The following NIN variants were observed in gnomAD, a reference collection of about 807,000 sequenced individuals.
NIN encodes the protein ninein.
A neutral mutation model predicts 257.6 loss-of-function variants in NIN; 137 were observed. That is an observed-to-expected ratio of 0.53 (90% CI 0.46 to 0.61). The LOEUF is 0.61. Among genes scored for constraint, NIN ranks in the 20% least tolerant of loss-of-function variants. NIN has a pLI of 0.00. For missense variants in NIN, 2,439 were observed against 2,501.2 expected, an observed-to-expected ratio of 0.98 and a Z score of 0.53; for synonymous variants, 918 against 919.8, an observed-to-expected ratio of 1.00 and a Z score of 0.04.
intron 5 of NIN, among the ~76,000 whole-genome samples, chr14:50,783,133 C>T (rs2043202502): frequency 6.6e-6 from 1 of 152,142 alleles, no homozygotes; most frequent in Non-Finnish European, 1.5e-5. Flanking sequence ...CTCTGTTCTG[C>T]AGCCTCAACC....
At chr14:50,805,178 C>T (rs147905941) in intron 4 of NIN, among the ~76,000 whole-genome samples, 187 of 152,292 alleles carry the variant, frequency 1.2e-3, no homozygotes, top group African/African-American at 3.9e-3. Flanking sequence ...CCTATGCTCA[C>T]GTTAGCTAAT....
At chr14:50,794,959 A>G (rs1230200335) in intron 4 of NIN, among the ~76,000 whole-genome samples, 1 of 152,224 alleles carries the variant, frequency 6.6e-6, no homozygotes, top group East Asian at 1.9e-4. Flanking sequence ...ACAGATTGTG[A>G]GCCAGCAGGG....
intron 2 of NIN, among the ~76,000 whole-genome samples, chr14:50,823,991 T>G (rs1008400764): frequency 1.3e-5 from 2 of 152,174 alleles, no homozygotes; most frequent in Non-Finnish European, 2.9e-5. Flanking sequence ...TCAACTAAGA[T>G]CTGCTGAGAA....
chr14:50,727,778 T>G, intron 29 of NIN: 1 of 1,417,374 alleles, frequency 7.1e-7, no homozygotes, highest in Non-Finnish European at 9.5e-7. Flanking sequence ...AGTAGTACAC[T>G]TCACCCTCAT....
chr14:50,766,143 C>T (rs1045722639), intron 14 of NIN, among the ~76,000 whole-genome samples, 164 bp downstream of exon 14: 1 of 152,094 alleles, frequency 6.6e-6, no homozygotes, highest in African/African-American at 2.4e-5. Context: ...ATTTTTGCTA[C>T]AACATTTTGT....
intron 2 of NIN, among the ~76,000 whole-genome samples, chr14:50,825,767 A>C (rs1050669030): frequency 2.0e-5 from 3 of 152,236 alleles, no homozygotes; most frequent in Admixed American, 2.0e-4. Context: ...TGTGTTAGCC[A>C]GTTGAACAGT....
At chr14:50,794,115 T>C (rs910267414) in intron 4 of NIN, among the ~76,000 whole-genome samples, 11 of 152,180 alleles carry the variant, frequency 7.2e-5, no homozygotes, top group Middle Eastern at 3.2e-3. Context: ...ATTGAAACCA[T>C]GCTGGGGTTT....
intron 21 of NIN, among the ~76,000 whole-genome samples, chr14:50,749,126 G>A (rs1222861596): frequency 3.3e-5 from 5 of 152,036 alleles, no homozygotes; most frequent in Non-Finnish European, 7.4e-5. Flanking sequence ...TAGACCAATG[G>A]AACAGAACAG....
chr14:50,750,307 T>C (rs2041733185), intron 21 of NIN, among the ~76,000 whole-genome samples: 2 of 152,190 alleles, frequency 1.3e-5, no homozygotes. Context: ...TCTGTATCTA[T>C]CTAGCTTTGT....
chr14:50,784,752 C>A (rs968840062), intron 5 of NIN, among the ~76,000 whole-genome samples: 1 of 152,202 alleles, frequency 6.6e-6, no homozygotes, highest in African/African-American at 2.4e-5. Flanking sequence ...CTTAATAAAG[C>A]TAAGGAAATC....
At chr14:50,742,725 T>G (rs1303689716) in intron 24 of NIN, among the ~76,000 whole-genome samples, 1 of 152,042 alleles carries the variant, frequency 6.6e-6, no homozygotes, top group Non-Finnish European at 1.5e-5. Flanking sequence ...GAATCCTATT[T>G]TACGCTAATA....
intron 2 of NIN, among the ~76,000 whole-genome samples, chr14:50,827,066 G>A (rs867762411): frequency 1.3e-5 from 2 of 152,202 alleles, no homozygotes; most frequent in Non-Finnish European, 1.5e-5. Flanking sequence ...GCAAGTCGGA[G>A]CCTAATAACG....
In NIN at chr14:50,758,522, C is replaced by T; in HGVS notation, c.2508G>A (p.Leu836=). ...TCAGCTCTTGGCGGTAGCGCCCCTC[C>T]AGGCTTTGCAGAGCGCTTTCACACC... ...TERCESALQS[L]EGRYRQELKD... The change falls in exon 18 of 31, where the codon CTG becomes CTA. Residue 836 remains leucine, a synonymous_variant. Coordinates refer to ENST00000530997, the MANE Select transcript of NIN (RefSeq NM_020921.4). 1 of 1,614,218 alleles carries T rather than the reference C, an allele frequency of 6.2e-7. No homozygotes were observed. The highest frequency in any genetic ancestry group is 8.5e-7 in the Non-Finnish European group (1 of 1,180,034).
At chr14:50,779,370 T>C (rs935815846) in intron 5 of NIN, among the ~76,000 whole-genome samples, 3 of 152,264 alleles carry the variant, frequency 2.0e-5, no homozygotes, top group Admixed American at 2.0e-4. Context: ...GGATGCTATG[T>C]TGCTATGCAG....
chr14:50,735,241 G>T (rs1464259911), intron 28 of NIN, among the ~76,000 whole-genome samples: 1 of 152,120 alleles, frequency 6.6e-6, no homozygotes, highest in African/African-American at 2.4e-5. Flanking sequence ...TGGCTAATCA[G>T]AGAGTCCCTG....
At chr14:50,772,544 ACG>A in intron 8 of NIN, 76 bp from the exon 9 acceptor site, 5 of 1,321,360 alleles carry the variant, frequency 3.8e-6, no homozygotes, top group Non-Finnish European at 3.2e-6. Context: ...AGCCCTGACC[ACG>A]ATGGGTAGAA....
Position 50,815,993 on chromosome 14 carries a change from C to T in NIN, c.183+5881G>A, listed in dbSNP as rs1179370761. On this transcript the variant is annotated intron_variant, in intron 3 of 30. Transcript: ENST00000530997. ...TGCACTCCAGCCTGGGGCGACAGGG[C>T]GAGACTCCATGTCAAAAAAACAAAA... Among the ~76,000 whole-genome samples the T allele has an allele frequency of 3.9e-5, 6 of 152,054 alleles. No individual in the cohort carries two copies. In the East Asian group the frequency reaches 5.8e-4, roughly 15 times the overall value.
chr14:50,749,128 A>G (rs983964093), intron 21 of NIN, among the ~76,000 whole-genome samples: 4 of 152,204 alleles, frequency 2.6e-5, no homozygotes, highest in African/African-American at 9.7e-5. Flanking sequence ...GACCAATGGA[A>G]CAGAACAGAG....
intron 29 of NIN, chr14:50,727,900 A>G (rs561487813): frequency 1.0e-5 from 5 of 489,468 alleles, no homozygotes; most frequent in South Asian, 8.8e-5. Flanking sequence ...CAAAATGCAG[A>G]AGAGATCACA....
Sources: allele counts gnomAD v4.1 joint callset (sites outside exome capture counted in the v4.1 genomes callset), GRCh38; gene constraint gnomAD v4.1.1; transcripts MANE v1.5; gene names NCBI Gene and HGNC (gene_info 2026-07-23, HGNC 2026-07-21).